The following CENPK variants were observed in gnomAD, a reference collection of about 807,000 sequenced individuals.
The protein encoded by CENPK is SoxLZ/Sox6-binding protein Solt.
CENPK carries 46 observed loss-of-function variants against 40.9 expected under a neutral mutation model. The observed-to-expected ratio is 1.13, with a 90% CI of 0.89 to 1.44. The LOEUF (loss-of-function observed/expected upper bound fraction) is 1.44, where lower values mean the gene tolerates loss of function less well. CENPK is among the 40% of genes most tolerant of loss of function. The pLI is 0.00. For synonymous variants in CENPK, 107 were observed against 104.4 expected (o/e 1.02, Z -0.15); for missense variants, 288 against 303.5 (o/e 0.95, Z 0.38).
intron 5 of CENPK, among the ~76,000 whole-genome samples, chr5:65,548,061 G>A (rs1749331991): frequency 6.6e-6 from 1 of 152,168 alleles, no homozygotes; most frequent in Non-Finnish European, 1.5e-5. Flanking sequence ...AAAGAAAACA[G>A]AGCGGGAGAA....
chr5:65,520,214 C>T (rs966626009), intron 10 of CENPK, among the ~76,000 whole-genome samples: 2 of 152,040 alleles, frequency 1.3e-5, no homozygotes, highest in South Asian at 2.1e-4. Context: ...GGTACCTTTC[C>T]CCCTCCCTCT....
chr5:65,549,246 T>C (rs544747678), intron 5 of CENPK, among the ~76,000 whole-genome samples: 1 of 152,278 alleles, frequency 6.6e-6, no homozygotes, highest in Admixed American at 6.5e-5. Flanking sequence ...AACAGTGGGC[T>C]TAAACTATTC....
the CENPK span, among the ~76,000 whole-genome samples, chr5:65,500,520 GT>G: frequency 6.6e-6 from 1 of 151,330 alleles, no homozygotes; most frequent in East Asian, 1.9e-4. Context: ...GGGGTTGTTT[GT>G]TTTTTTCTTG....
chr5:65,538,321 T>C (rs1747331480), intron 6 of CENPK, among the ~76,000 whole-genome samples: 1 of 152,228 alleles, frequency 6.6e-6, no homozygotes, highest in African/African-American at 2.4e-5. Flanking sequence ...TGGACATTCC[T>C]ATTTAAAACT....
chr5:65,533,101 T>G (rs983381436), intron 6 of CENPK, among the ~76,000 whole-genome samples: 8 of 152,002 alleles, frequency 5.3e-5, no homozygotes, highest in African/African-American at 1.9e-4. Flanking sequence ...GGCTCATGCC[T>G]GTAATCTCAG....
At chr5:65,495,858 T>C in the CENPK span, among the ~76,000 whole-genome samples, 1 of 152,198 alleles carries the variant, frequency 6.6e-6, no homozygotes, top group African/African-American at 2.4e-5. Context: ...TTTTAAAAAA[T>C]ACTCATTGTT....
the CENPK span, among the ~76,000 whole-genome samples, chr5:65,502,150 A>G: frequency 6.6e-6 from 1 of 152,028 alleles, no homozygotes; most frequent in African/African-American, 2.4e-5. Flanking sequence ...TATTTTTTCC[A>G]TGGTGTTTAG....
At chr5:65,533,350 A>AAAATAAATAAGTAAATAAATAAAT (rs1554108225) in intron 6 of CENPK, among the ~76,000 whole-genome samples, 4 of 148,116 alleles carry the variant, frequency 2.7e-5, no homozygotes, top group African/African-American at 5.0e-5. Flanking sequence ...ACCCTGTATC[A>AAAATAAATAAGTAAATAAATAAAT]AAATAAATAA....
At chr5:65,513,057 T>G (rs1742632862), downstream of CENPK, among the ~76,000 whole-genome samples, 3 of 152,362 alleles carry the variant, frequency 2.0e-5, no homozygotes, top group Admixed American at 2.0e-4. Context: ...GAGTTCATTG[T>G]ATATTTTGGA....
downstream of CENPK, among the ~76,000 whole-genome samples, chr5:65,516,890 T>C (rs1261963775): frequency 6.6e-6 from 1 of 152,140 alleles, no homozygotes; most frequent in Non-Finnish European, 1.5e-5. Flanking sequence ...ACATACCCCA[T>C]ATAAACTTTT....
intron 6 of CENPK, among the ~76,000 whole-genome samples, chr5:65,534,460 T>C (rs542155011): frequency 1.3e-5 from 2 of 152,298 alleles, no homozygotes; most frequent in East Asian, 1.9e-4. Context: ...TCAAGACTTA[T>C]TTTAAAGCTT....
chr5:65,507,541 G>C, the CENPK span, among the ~76,000 whole-genome samples: 1 of 152,236 alleles, frequency 6.6e-6, no homozygotes, highest in Admixed American at 6.5e-5. Context: ...TTTAAGGCTT[G>C]TCACTTTTAT....
chr5:65,508,747 C>T, the CENPK span, among the ~76,000 whole-genome samples: 3 of 144,392 alleles, frequency 2.1e-5, no homozygotes, highest in East Asian at 2.1e-4. Context: ...GATCATGCCA[C>T]TGCACTCCAG....
intron 6 of CENPK, chr5:65,541,271 G>A (rs954538291): frequency 2.4e-5 from 10 of 422,342 alleles, no homozygotes; most frequent in African/African-American, 1.2e-4. Flanking sequence ...GAATACAGGC[G>A]ACAATCCATT....
intron 6 of CENPK, among the ~76,000 whole-genome samples, chr5:65,538,969 AT>A (rs1561657686): frequency 6.6e-6 from 1 of 152,196 alleles, no homozygotes; most frequent in East Asian, 1.9e-4. Flanking sequence ...ACTTTCTTCA[AT>A]TTTGTGGGGG....
chr5:65,526,068 C>T (rs1644675676), intron 9 of CENPK, among the ~76,000 whole-genome samples: 1 of 152,032 alleles, frequency 6.6e-6, no homozygotes, highest in African/African-American at 2.4e-5. Flanking sequence ...TATCAATAGT[C>T]CTTATACATC....
In CENPK at chr5:65,557,437, AG is replaced by A. The variant is rs1326584660; in HGVS notation, c.-39-2492del. Among the ~76,000 whole-genome samples the A allele has an allele frequency of 2.6e-5, 4 of 152,360 alleles. No individual in the cohort carries two copies. In the East Asian group the frequency reaches 5.8e-4, roughly 22 times the overall value. On this transcript the variant is annotated intron_variant, in intron 2 of 10. Coordinates refer to ENST00000396679, the MANE Select transcript of CENPK (RefSeq NM_022145.5). Reference sequence around the variant, plus strand: ...ATGACTTTCAAGACTAAGTCATAAAAGGCAATATAGCTAACTTCTGGCTTTC... The same window carrying A: ...ATGACTTTCAAGACTAAGTCATAAAAGCAATATAGCTAACTTCTGGCTTTC...
At chr5:65,547,176 T>C (rs1749146698) in intron 5 of CENPK, among the ~76,000 whole-genome samples, 1 of 152,090 alleles carries the variant, frequency 6.6e-6, no homozygotes, top group Non-Finnish European at 1.5e-5. Context: ...GAGGATCACC[T>C]GAGGTCAAGA....
downstream of CENPK, among the ~76,000 whole-genome samples, chr5:65,513,076 C>T (rs139650328): frequency 1.4e-3 from 219 of 152,158 alleles, 1 homozygote; most frequent in Middle Eastern, 0.014. Context: ...GATACAAATC[C>T]TTTATCAGAT....
Sources: allele counts gnomAD v4.1 joint callset (sites outside exome capture counted in the v4.1 genomes callset), GRCh38; gene constraint gnomAD v4.1.1; transcripts MANE v1.5; gene names NCBI Gene and HGNC (gene_info 2026-07-23, HGNC 2026-07-21).